The following RPA3 variants were observed in gnomAD, a reference collection of about 807,000 sequenced individuals.
The protein encoded by RPA3 is replication protein A 14 kDa subunit.
In RPA3, 24 loss-of-function variants were observed where a neutral mutation model predicts 13.7. The ratio of observed to expected loss-of-function variants is 1.75; its 90% confidence interval spans 1.27 to 2.46. RPA3 has a LOEUF of 2.46. Ranked by LOEUF, RPA3 falls within the 30% of genes most tolerant of loss-of-function variation. The pLI, the probability that RPA3 is intolerant of heterozygous loss-of-function variation, is 0.00. For synonymous variants in RPA3, 59 were observed against 51.2 expected (o/e 1.15, Z -0.65); for missense variants, 183 against 151.0 (o/e 1.21, Z -1.11).
At chr7:7,653,225 A>G (rs1785267633) in intron 4 of RPA3, among the ~76,000 whole-genome samples, 1 of 152,240 alleles carries the variant, frequency 6.6e-6, no homozygotes, top group African/African-American at 2.4e-5. Context: ...TTACACTCAA[A>G]TCAAAATGGT....
chr7:7,674,967 A>G (rs1296676872), intron 4 of RPA3, among the ~76,000 whole-genome samples: 1 of 152,076 alleles, frequency 6.6e-6, no homozygotes, highest in Admixed American at 6.5e-5. Flanking sequence ...CTTAACACAT[A>G]TACAGGGAAC....
intron 4 of RPA3, among the ~76,000 whole-genome samples, chr7:7,670,110 C>T (rs2057931): frequency 0.58 from 88,312 of 151,986 alleles, 25,916 homozygotes; most frequent in East Asian, 0.8. Context: ...ATTCCATACA[C>T]AATACTTGGG....
intron 2 of RPA3, among the ~76,000 whole-genome samples, chr7:7,704,504 C>G (rs1780544804): frequency 1.3e-5 from 2 of 150,806 alleles, no homozygotes; most frequent in African/African-American, 4.9e-5. Context: ...GCCTGTAATC[C>G]CAGCACTTTG....
In RPA3 at chr7:7,692,609, T is replaced by TTTTG. The variant is rs908658314; in HGVS notation, c.-1027-5285_-1027-5282dup. 6.6e-5 allele frequency: 10 copies of TTTTG among 152,280 alleles called. No individual in the cohort carries two copies. The East Asian group carries it at 7.7e-4, about 12-fold the overall frequency. 9.4% of individuals were successfully genotyped at this position (152,280 alleles called of 1,614,324 possible). Reference sequence around the variant, plus strand: ...TCATCAAAACACAAGCAAATGCATTTTTTGTTTGTTTGTTTGTTTGAGATG... The same window carrying TTTTG: ...TCATCAAAACACAAGCAAATGCATTTTTTGTTTGTTTGTTTGTTTGTTTGAGATG... On this transcript the variant is annotated intron_variant, in intron 2 of 7. Transcript: ENST00000223129.
chr7:7,684,206 A>AT lies in RPA3; in HGVS notation c.-758+1623dup, dbSNP rs112128125. ...CCTGTACATGTTTAGCACAGATGCA[A>AT]TTTTTTTTTTTTTTGAGACAGTGTC... is the stretch of plus-strand genomic sequence containing the variant. On this transcript the variant is annotated intron_variant, in intron 4 of 7. Coordinates refer to ENST00000223129, the MANE Select transcript of RPA3 (RefSeq NM_002947.5). Among the ~76,000 whole-genome samples the AT allele has an allele frequency of 3.7e-3, 538 of 144,638 alleles. 1 individual carries two copies. The highest frequency in any genetic ancestry group is 7.2e-3 in the African/African-American group (287 of 39,676). The allele number at this position is 144,638 out of a possible 152,430, so 94.9% of individuals were successfully genotyped here. A position where few individuals can be genotyped will look rare whatever the true frequency, so the allele number is the denominator to read the frequency against.
chr7:7,637,821 T>C (rs990887256), intron 7 of RPA3, 43 bp downstream of exon 7: 2 of 1,214,568 alleles, frequency 1.6e-6, no homozygotes, highest in Non-Finnish European at 1.2e-6. Flanking sequence ...CTGTATGTTA[T>C]GTAATTACAT....
At chr7:7,685,337 G>A (rs1741838375) in intron 4 of RPA3, among the ~76,000 whole-genome samples, 2 of 146,154 alleles carry the variant, frequency 1.4e-5, no homozygotes, top group South Asian at 4.3e-4. Context: ...TTGAGACGGA[G>A]TCTTGCTCTG....
At chr7:7,667,848 A>C (rs796249949) in intron 4 of RPA3, among the ~76,000 whole-genome samples, 2 of 152,180 alleles carry the variant, frequency 1.3e-5, no homozygotes, top group Admixed American at 1.3e-4. Context: ...TTTGGTGCCA[A>C]TAGAATTTGG....
intron 4 of RPA3, among the ~76,000 whole-genome samples, chr7:7,668,563 G>A (rs574816311): frequency 4.6e-5 from 7 of 152,052 alleles, no homozygotes. Context: ...TAGCATCATG[G>A]ATGGGTTCTT....
At chr7:7,656,922 C>T (rs182650115) in intron 4 of RPA3, among the ~76,000 whole-genome samples, 82 of 152,336 alleles carry the variant, frequency 5.4e-4, no homozygotes, top group African/African-American at 1.8e-3. Context: ...CTAATTTACA[C>T]TTCCACCAAC....
In RPA3 at chr7:7,698,556, C is replaced by CTT. The variant is rs1270661242; in HGVS notation, c.-1027-11230_-1027-11229dup. ...TTCTGTCTAAATGTTTTTTTCTTTT[C>CTT]TTTTTTTTTGTAGTATTTCGTAGAA... On this transcript the variant is annotated intron_variant, in intron 2 of 7. Transcript: ENST00000223129. Among the ~76,000 whole-genome samples, 3 of 151,082 alleles carry CTT rather than the reference C, an allele frequency of 2.0e-5. No individual in the cohort carries two copies. In the East Asian group the frequency reaches 5.8e-4, roughly 29 times the overall value.
chr7:7,645,318 C>T (rs1785068978), intron 4 of RPA3, among the ~76,000 whole-genome samples: 1 of 152,164 alleles, frequency 6.6e-6, no homozygotes, highest in African/African-American at 2.4e-5. Flanking sequence ...ATCTTTAATG[C>T]ACAAACGCTT....
intron 4 of RPA3, among the ~76,000 whole-genome samples, chr7:7,673,724 ACTGTGG>A (rs1779671832): frequency 6.7e-6 from 1 of 149,938 alleles, no homozygotes; most frequent in Non-Finnish European, 1.5e-5. Context: ...TTTTTTTTTA[ACTGTGG>A]AAAATCTAAA....
At chr7:7,661,728 A>G (rs543702773) in intron 4 of RPA3, among the ~76,000 whole-genome samples, 100 of 152,260 alleles carry the variant, frequency 6.6e-4, no homozygotes, top group African/African-American at 2.2e-3. Flanking sequence ...GCTCTCCTCT[A>G]TGAGGTGTCT....
At chr7:7,673,365 AGCAG>A (rs1779658519) in intron 4 of RPA3, 1 of 1,098,326 alleles carries the variant, frequency 9.1e-7, no homozygotes, top group Non-Finnish European at 1.3e-6. Context: ...CAGCAGCAGC[AGCAG>A]CAATGTTTCA....
intron 4 of RPA3, among the ~76,000 whole-genome samples, chr7:7,671,019 G>A (rs1217458105): frequency 6.6e-6 from 1 of 152,124 alleles, no homozygotes; most frequent in African/African-American, 2.4e-5. Flanking sequence ...AACGGAAATG[G>A]GCACTGGGCC....
chr7:7,645,052 T>A (rs1325461782), intron 4 of RPA3, among the ~76,000 whole-genome samples: 1 of 152,250 alleles, frequency 6.6e-6, no homozygotes, highest in Non-Finnish European at 1.5e-5. Context: ...TTTGTTGCTA[T>A]TATGAATGGT....
chr7:7,663,766 G>A (rs1785535169), intron 4 of RPA3, among the ~76,000 whole-genome samples: 1 of 152,094 alleles, frequency 6.6e-6, no homozygotes. Flanking sequence ...GTATCCCCGG[G>A]GCAATAACGA....
chr7:7,717,214 G>A (rs1189093515), intron 1 of RPA3, among the ~76,000 whole-genome samples: 1 of 151,838 alleles, frequency 6.6e-6, no homozygotes, highest in African/African-American at 2.4e-5. Flanking sequence ...GCGCCACCAC[G>A]CCCAGCTAAT....
Sources: gnomAD v4.1 joint callset for allele counts (sites outside exome capture counted in the v4.1 genomes callset) on GRCh38, gnomAD v4.1.1 for gene constraint, MANE v1.5 for transcripts, NCBI Gene and HGNC (gene_info 2026-07-23, HGNC 2026-07-21) for gene names.